UNC79: variants seen among roughly 807,000 people sequenced by gnomAD.
UNC79 encodes protein unc-79 homolog.
A neutral mutation model predicts 283.1 loss-of-function variants in UNC79; 37 were observed. That is an observed-to-expected ratio of 0.13 (90% CI 0.10 to 0.17). The LOEUF (loss-of-function observed/expected upper bound fraction) is 0.17, where lower values mean the gene tolerates loss of function less well. Among genes scored for constraint, UNC79 ranks in the 10% least tolerant of loss-of-function variants. The pLI is 1.00. For missense variants in UNC79, 2,272 were observed against 3,211.1 expected (o/e 0.71, Z 7.07); for synonymous variants, 1,107 against 1,200.2 (o/e 0.92, Z 1.61).
intron 38 of UNC79, among the ~76,000 whole-genome samples, chr14:93,657,943 T>G (rs1239847452): frequency 1.3e-5 from 2 of 152,134 alleles, no homozygotes; most frequent in Admixed American, 1.3e-4. Flanking sequence ...CTGTCTTCCT[T>G]TTTTTTCCCA....
chr14:93,670,857 G>T (rs535014527), intron 40 of UNC79, among the ~76,000 whole-genome samples: 1 of 152,288 alleles, frequency 6.6e-6, no homozygotes, highest in South Asian at 2.1e-4. Context: ...AAAAGAATCA[G>T]TTTGGGAGAG....
At chr14:93,606,951 A>G (rs2065928924) in intron 26 of UNC79, among the ~76,000 whole-genome samples, 1 of 152,204 alleles carries the variant, frequency 6.6e-6, no homozygotes, top group African/African-American at 2.4e-5. Context: ...CTCACAAAAG[A>G]ACAAGCTTGT....
chr14:93,444,113 A>G (rs947537341), intron 1 of UNC79, among the ~76,000 whole-genome samples: 8 of 152,212 alleles, frequency 5.3e-5, no homozygotes, highest in African/African-American at 1.7e-4. Flanking sequence ...AACACTTGGT[A>G]TTCACAGTCT....
rs116460733 is a variant in UNC79 at position 93,569,346 on chromosome 14, A to G, written c.1756-2548A>G. On this transcript the variant is annotated intron_variant, in intron 14 of 48. Coordinates refer to ENST00000555664, the Ensembl canonical transcript of UNC79. The stretch of plus-strand genomic sequence containing the variant: ...ATGCAACTCGGGAGGCTGAGGCAGG[A>G]TAACTGCTTGAACTGGGGAGGCAGA... Among the ~76,000 whole-genome samples, 1,267 of 152,308 alleles carry G rather than the reference A, an allele frequency of 8.3e-3. 15 individuals carry two copies. The highest frequency in any genetic ancestry group is 0.029 in the African/African-American group (1,210 of 41,568).
At chr14:93,434,547 A>C (rs2056010047) in intron 1 of UNC79, among the ~76,000 whole-genome samples, 1 of 152,228 alleles carries the variant, frequency 6.6e-6, no homozygotes, top group South Asian at 2.1e-4. Flanking sequence ...AAAATTGACC[A>C]ATCGGGATCA....
In UNC79 at chr14:93,630,923, G is replaced by T. The variant is rs2067979605; in HGVS notation, c.5716+15G>T. ...CTCAATATCAAGTAAGATTTCCTCT[G>T]CTGATTATTTCATCTATGCATTTAT... On this transcript the variant is annotated intron_variant, in intron 31 of 48. Coordinates refer to ENST00000555664, the Ensembl canonical transcript of UNC79. 2 of 1,605,164 alleles carry T rather than the reference G, an allele frequency of 1.2e-6. No homozygotes were observed. The highest frequency in any genetic ancestry group is 1.7e-5 in the Admixed American group (1 of 59,968).
intron 14 of UNC79, 95 bp from the exon 15 acceptor site, chr14:93,571,799 C>A: frequency 7.7e-7 from 1 of 1,304,088 alleles, no homozygotes; most frequent in Non-Finnish European, 1.1e-6. Context: ...TGGATTGTGG[C>A]CTTTCTCTGT....
At chr14:93,583,610 C>T (rs2141804388) in intron 20 of UNC79, among the ~76,000 whole-genome samples, 1 of 152,246 alleles carries the variant, frequency 6.6e-6, no homozygotes, top group African/African-American at 2.4e-5. Flanking sequence ...TGAAGGAATA[C>T]CTGAGGTGAG....
chr14:93,600,860 C>A, intron 25 of UNC79, 90 bp downstream of exon 25: 1 of 1,432,970 alleles, frequency 7.0e-7, no homozygotes, highest in Non-Finnish European at 9.5e-7. Flanking sequence ...TCGTTTAATT[C>A]CTCTACAGAG....
At chr14:93,477,777 A>G (rs1595570484) in intron 4 of UNC79, 49 bp downstream of exon 4, 1 of 1,558,584 alleles carries the variant, frequency 6.4e-7, no homozygotes, top group East Asian at 2.3e-5. Context: ...TATGATATGA[A>G]TGGAAATTGC....
At chr14:93,664,200 C>T (rs976249865) in intron 40 of UNC79, among the ~76,000 whole-genome samples, 1 of 152,078 alleles carries the variant, frequency 6.6e-6, no homozygotes, top group African/African-American at 2.4e-5. Context: ...AGCTGTCTCC[C>T]TTATATAATC....
At chr14:93,663,794 A>G (rs1343336152) in intron 40 of UNC79, among the ~76,000 whole-genome samples, 1 of 152,086 alleles carries the variant, frequency 6.6e-6, no homozygotes, top group Non-Finnish European at 1.5e-5. Context: ...GATCTATAAG[A>G]CACAGCACCA....
chr14:93,463,233 A>G (rs1483584349), intron 1 of UNC79, among the ~76,000 whole-genome samples: 10 of 152,252 alleles, frequency 6.6e-5, no homozygotes, highest in South Asian at 2.1e-4. Flanking sequence ...TGAAAAGCCT[A>G]GGAAAATGGT....
At chr14:93,691,340 C>T (rs908727517) in intron 45 of UNC79, 1 of 226,036 alleles carries the variant, frequency 4.4e-6, no homozygotes, top group Non-Finnish European at 9.0e-6. Flanking sequence ...CGTGTATTCA[C>T]GTATATCACC....
intron 34 of UNC79, among the ~76,000 whole-genome samples, chr14:93,645,941 G>A (rs2069550880): frequency 6.6e-6 from 1 of 152,022 alleles, no homozygotes; most frequent in East Asian, 1.9e-4. Flanking sequence ...AAATAAATTT[G>A]CAACATTCTC....
Position 93,474,402 on chromosome 14 carries a change from T to C in UNC79, c.448+9T>C. 1 of 1,531,638 alleles carries C rather than the reference T, an allele frequency of 6.5e-7. No homozygotes were observed. 94.9% of individuals were successfully genotyped at this position (1,531,638 alleles called of 1,614,324 possible). On this transcript the variant is annotated intron_variant, in intron 3 of 48. Coordinates refer to ENST00000555664, the Ensembl canonical transcript of UNC79. The surrounding 1 kb of genome is among the most constrained non-coding windows in gnomAD (Gnocchi z 4.1). ...ACAGCACGGCCAACACGGTGAGCAC[T>C]TAGCTGAAACCTTTGGAAATGTACG...
At chr14:93,659,339 C>T in intron 39 of UNC79, 78 bp downstream of exon 42, 1 of 1,168,922 alleles carries the variant, frequency 8.6e-7, no homozygotes, top group African/African-American at 1.5e-5. Context: ...TGTAGCAATA[C>T]TGAAGACATA....
intron 1 of UNC79, among the ~76,000 whole-genome samples, chr14:93,416,462 AGGTGT>A (rs1462772984): frequency 2.0e-5 from 3 of 152,030 alleles, no homozygotes; most frequent in Non-Finnish European, 4.4e-5. Context: ...ATTTTGGAAT[AGGTGT>A]GGTGTGGTGC....
chr14:93,347,369 C>T (rs1253076109), intron 1 of UNC79: 2 of 1,566,290 alleles, frequency 1.3e-6, no homozygotes, highest in South Asian at 1.1e-5. Flanking sequence ...TCGGGGCCCC[C>T]GCGCCAGCGG....
Sources: allele counts gnomAD v4.1 joint callset (sites outside exome capture counted in the v4.1 genomes callset), GRCh38; gene constraint gnomAD v4.1.1; non-coding constraint Gnocchi (gnomAD v3.1); transcripts MANE v1.5; gene names NCBI Gene and HGNC (gene_info 2026-07-23, HGNC 2026-07-21).